The following GLIS3 variants were observed in gnomAD, a reference collection of about 807,000 sequenced individuals.
The protein encoded by GLIS3 is zinc finger protein GLIS3.
In GLIS3, 53 loss-of-function variants were observed where a neutral mutation model predicts 78.6. The observed-to-expected ratio is 0.67, with a 90% CI of 0.54 to 0.85. GLIS3 has a LOEUF of 0.85. GLIS3 is among the 40% of genes least tolerant of loss of function. The pLI is 0.00. For synonymous variants in GLIS3, 684 were observed against 509.9 expected (o/e 1.34, Z -4.60); for missense variants, 1,703 against 1,231.1 (o/e 1.38, Z -5.74).
chr9:4,236,851 C>G (rs1822798157), intron 2 of GLIS3, among the ~76,000 whole-genome samples: 2 of 152,180 alleles, frequency 1.3e-5, no homozygotes, highest in African/African-American at 4.8e-5. Context: ...CCAACTGAGA[C>G]TAAAACTTCC....
At chr9:4,277,925 G>A (rs1827177079) in intron 2 of GLIS3, among the ~76,000 whole-genome samples, 1 of 152,136 alleles carries the variant, frequency 6.6e-6, no homozygotes, top group Non-Finnish European at 1.5e-5. Flanking sequence ...ATCCTAGCGA[G>A]ACTAATAAGT....
At position 4,333,930 on chromosome 9, in the gene GLIS3, T is replaced by C. The variant is rs542451972; in HGVS notation, n.264+13151A>G. 2.0e-5 allele frequency among the ~76,000 whole-genome samples: 3 copies of C among 152,344 alleles called. No individual in the cohort carries two copies. The East Asian group carries it at 5.8e-4, about 29-fold the overall frequency. ...GGAATTTCTTGGATTCCTTAAATCCTACCTGGAATGGTGCCACCTTGTCTG... is the reference window on the plus strand; with the variant it reads ...GGAATTTCTTGGATTCCTTAAATCCCACCTGGAATGGTGCCACCTTGTCTG... On this transcript the variant is annotated intron_variant and non_coding_transcript_variant, in intron 2 of 4. Transcript: ENST00000471664.
At chr9:3,989,971 T>C (rs540704312) in intron 4 of GLIS3, among the ~76,000 whole-genome samples, 1 of 152,278 alleles carries the variant, frequency 6.6e-6, no homozygotes, top group East Asian at 1.9e-4. Flanking sequence ...TTTTGCAAAA[T>C]ACTAACATTG....
the GLIS3 span, among the ~76,000 whole-genome samples, chr9:4,476,588 C>T: frequency 6.6e-6 from 1 of 152,114 alleles, no homozygotes; most frequent in Admixed American, 6.5e-5. Flanking sequence ...TCTCGAACTC[C>T]TGACCTCAGG....
intron 2 of GLIS3, chr9:4,145,287 G>A (rs1302780475): frequency 1.3e-5 from 2 of 152,176 alleles, no homozygotes; most frequent in Admixed American, 6.5e-5. Context: ...ATACTACAAC[G>A]TCCCACTACT....
At chr9:4,073,922 T>A (rs1827834121) in intron 4 of GLIS3, among the ~76,000 whole-genome samples, 1 of 152,200 alleles carries the variant, frequency 6.6e-6, no homozygotes, top group African/African-American at 2.4e-5. Context: ...AAGTCCTGCT[T>A]ACAATGCAGA....
intron 4 of GLIS3, among the ~76,000 whole-genome samples, chr9:4,015,045 T>C (rs1261700328): frequency 6.6e-6 from 1 of 152,204 alleles, no homozygotes; most frequent in Non-Finnish European, 1.5e-5. Context: ...ACCAAATATT[T>C]AACTGCTAGT....
At chr9:3,931,314 C>G (rs990093414) in intron 6 of GLIS3, among the ~76,000 whole-genome samples, 5 of 152,094 alleles carry the variant, frequency 3.3e-5, no homozygotes, top group Admixed American at 2.6e-4. Context: ...AACAAGAAGA[C>G]TATAGAGCAT....
At chr9:3,845,562 TAA>T (rs1278864233) in intron 9 of GLIS3, among the ~76,000 whole-genome samples, 2 of 152,158 alleles carry the variant, frequency 1.3e-5, no homozygotes, top group Non-Finnish European at 2.9e-5. Context: ...TTTTATAATA[TAA>T]AAAGTCAGTA....
chr9:4,236,248 G>C (rs935668688), intron 2 of GLIS3, among the ~76,000 whole-genome samples: 1 of 145,654 alleles, frequency 6.9e-6, no homozygotes, highest in Non-Finnish European at 1.5e-5. Context: ...AACTAGAGAA[G>C]AGGGGAAACC....
chr9:4,030,040 T>C (rs1823694609), intron 4 of GLIS3, among the ~76,000 whole-genome samples: 1 of 152,228 alleles, frequency 6.6e-6, no homozygotes. Context: ...CCACAGTGGC[T>C]GTACTAATTT....
At chr9:4,249,282 T>C (rs1015503298) in intron 2 of GLIS3, among the ~76,000 whole-genome samples, 2 of 152,230 alleles carry the variant, frequency 1.3e-5, no homozygotes, top group Non-Finnish European at 2.9e-5. Flanking sequence ...TTTGTTTGTG[T>C]CCTCTCTTAT....
At chr9:4,486,721 C>G in the GLIS3 span, among the ~76,000 whole-genome samples, 3 of 152,140 alleles carry the variant, frequency 2.0e-5, no homozygotes, top group Non-Finnish European at 4.4e-5. Flanking sequence ...GATGTAAGGC[C>G]TCTTGTCACC....
chr9:4,396,023 C>T, the GLIS3 span, among the ~76,000 whole-genome samples: 1 of 151,910 alleles, frequency 6.6e-6, no homozygotes, highest in African/African-American at 2.4e-5. Flanking sequence ...CCACCTGCCT[C>T]GGCCTCCCAA....
At chr9:4,155,980 T>C (rs550052108) in intron 2 of GLIS3, among the ~76,000 whole-genome samples, 6 of 152,310 alleles carry the variant, frequency 3.9e-5, no homozygotes, top group African/African-American at 1.2e-4. Context: ...ATTAACAATA[T>C]ATTATTTGGT....
intron 6 of GLIS3, among the ~76,000 whole-genome samples, chr9:3,912,320 A>G (rs1824208923): frequency 6.6e-6 from 1 of 152,176 alleles, no homozygotes; most frequent in African/African-American, 2.4e-5. Context: ...TCAAGATATG[A>G]GCACAGTTTT....
chr9:4,365,039 T>C, the GLIS3 span, among the ~76,000 whole-genome samples: 1 of 152,180 alleles, frequency 6.6e-6, no homozygotes, highest in Non-Finnish European at 1.5e-5. Context: ...AAAAAGTCCA[T>C]GCTCTTTCAA....
At chr9:3,855,200 G>C (rs1819687620) in intron 9 of GLIS3, among the ~76,000 whole-genome samples, 1 of 152,140 alleles carries the variant, frequency 6.6e-6, no homozygotes, top group Non-Finnish European at 1.5e-5. Context: ...GGCAAAATGA[G>C]TCTAAATAAA....
chr9:4,360,793 G>GA, the GLIS3 span, among the ~76,000 whole-genome samples: 1 of 152,222 alleles, frequency 6.6e-6, no homozygotes, highest in East Asian at 1.9e-4. Context: ...CTTGAAGGGT[G>GA]CTGCAGAAAG....
Sources: gnomAD v4.1 joint callset for allele counts (sites outside exome capture counted in the v4.1 genomes callset) on GRCh38, gnomAD v4.1.1 for gene constraint, MANE v1.5 for transcripts, NCBI Gene and HGNC (gene_info 2026-07-23, HGNC 2026-07-21) for gene names.